Variants in BTBD16 observed in about 807,000 individuals in gnomAD.
BTBD16 encodes BTB domain containing 16.
BTBD16 carries 66 observed loss-of-function variants against 67.4 expected under a neutral mutation model. The observed-to-expected ratio is 0.98, with a 90% CI of 0.80 to 1.20. The LOEUF is 1.20. BTBD16 is among the 50% of genes most tolerant of loss of function. BTBD16 has a pLI of 0.00. For missense variants in BTBD16, 634 were observed against 616.0 expected (o/e 1.03, Z -0.31); for synonymous variants, 242 against 236.4 (o/e 1.02, Z -0.22).
chr10:122,275,386 T>C (rs1438026316), intron 2 of BTBD16, among the ~76,000 whole-genome samples: 1 of 152,208 alleles, frequency 6.6e-6, no homozygotes, highest in African/African-American at 2.4e-5. Context: ...CTAGGCACTA[T>C]ACTAAGGCAT....
intron 5 of BTBD16, chr10:122,287,578 G>GAACTT: frequency 1.5e-6 from 1 of 655,666 alleles, no homozygotes; most frequent in Non-Finnish European, 1.9e-6. Flanking sequence ...TCAAGCCATG[G>GAACTT]GATTCACGTC....
chr10:122,308,954 G>T (rs1424818086), intron 10 of BTBD16, among the ~76,000 whole-genome samples: 1 of 152,136 alleles, frequency 6.6e-6, no homozygotes, highest in East Asian at 1.9e-4. Flanking sequence ...GTCCATCCGT[G>T]ATGGGGGCCA....
chr10:122,337,448 T>G (rs181703745), intron 15 of BTBD16, among the ~76,000 whole-genome samples: 47 of 151,374 alleles, frequency 3.1e-4, no homozygotes, highest in African/African-American at 8.5e-4. Flanking sequence ...GAAATATTTG[T>G]TTTTTTTTGT....
At chr10:122,337,831 T>A (rs1455551639) in intron 15 of BTBD16, among the ~76,000 whole-genome samples, 186 bp from the exon 16 acceptor site, 4 of 152,216 alleles carry the variant, frequency 2.6e-5, no homozygotes, top group Non-Finnish European at 5.9e-5. Context: ...TGCACGTTAT[T>A]GTGTTTAAGT....
At chr10:122,278,791 G>C (rs1201622046) in intron 3 of BTBD16, among the ~76,000 whole-genome samples, 2 of 152,206 alleles carry the variant, frequency 1.3e-5, no homozygotes, top group East Asian at 3.9e-4. Context: ...CAGGTGTTCT[G>C]GGTATGTCTA....
intron 3 of BTBD16, among the ~76,000 whole-genome samples, chr10:122,280,465 T>A (rs2096350474): frequency 6.6e-6 from 1 of 152,058 alleles, no homozygotes; most frequent in Non-Finnish European, 1.5e-5. Context: ...GCCTAGTGGT[T>A]TTCTCCCTTT....
chr10:122,312,848 T>C (rs1193277724), intron 10 of BTBD16, among the ~76,000 whole-genome samples: 2 of 152,172 alleles, frequency 1.3e-5, no homozygotes, highest in Non-Finnish European at 2.9e-5. Flanking sequence ...ATACCTTCCC[T>C]CTGTGGCTGG....
chr10:122,321,223 T>C (rs2096434905), intron 10 of BTBD16, among the ~76,000 whole-genome samples: 1 of 152,224 alleles, frequency 6.6e-6, no homozygotes, highest in African/African-American at 2.4e-5. Context: ...CCATGGTATA[T>C]ATGCACTACA....
At chr10:122,294,046 C>T (rs1012160263) in intron 7 of BTBD16, 7 of 833,104 alleles carry the variant, frequency 8.4e-6, no homozygotes, top group Non-Finnish European at 1.0e-5. Context: ...TTTCATTCCA[C>T]TGATGAGCAA....
At chr10:122,336,993 A>C (rs929912860) in intron 15 of BTBD16, among the ~76,000 whole-genome samples, 4 of 152,112 alleles carry the variant, frequency 2.6e-5, no homozygotes, top group Non-Finnish European at 4.4e-5. Context: ...TGTATTTGTC[A>C]TCACTACCTC....
At chr10:122,335,913 G>A (rs1197624155) in intron 14 of BTBD16, among the ~76,000 whole-genome samples, 1 of 151,992 alleles carries the variant, frequency 6.6e-6, no homozygotes, top group Non-Finnish European at 1.5e-5. Flanking sequence ...CTGTTGCCCA[G>A]GCTGCAGTGC....
intron 10 of BTBD16, among the ~76,000 whole-genome samples, chr10:122,325,131 C>A (rs562881045): frequency 3.8e-4 from 58 of 152,266 alleles, no homozygotes; most frequent in African/African-American, 1.3e-3. Context: ...AGCATGTGCA[C>A]CAGGGCTGGC....
rs753348319 is a variant in BTBD16 at position 122,289,943 on chromosome 10, T to A, written c.420T>A (p.Pro140=). 2 of 1,613,866 alleles carry A rather than the reference T, an allele frequency of 1.2e-6. No individual in the cohort carries two copies. The highest frequency in any genetic ancestry group is 3.3e-5 in the Admixed American group (2 of 59,986). The change falls in exon 6 of 16, where the codon CCT becomes CCA. Residue 140 remains proline (P), a synonymous_variant. Transcript: ENST00000260723. ...CTAAGAAGACCAAAGAAAAATCCCCTGCAAAGAGGATCATCATTTCCTTGA... is the reference window on the plus strand; with the variant it reads ...CTAAGAAGACCAAAGAAAAATCCCCAGCAAAGAGGATCATCATTTCCTTGA... The part of the protein sequence containing the change: ...QSPKKTKEKS[P]AKRIIISLKI...
chr10:122,286,342 T>C (rs1472817588), intron 5 of BTBD16, 94 bp downstream of exon 5: 8 of 1,487,654 alleles, frequency 5.4e-6, no homozygotes, highest in Non-Finnish European at 6.3e-6. Flanking sequence ...GAGACCACGG[T>C]CACTCTAGCA....
intron 10 of BTBD16, among the ~76,000 whole-genome samples, chr10:122,327,048 T>C (rs2096446304): frequency 6.6e-6 from 1 of 152,106 alleles, no homozygotes; most frequent in Admixed American, 6.5e-5. Flanking sequence ...CCCAGACAGT[T>C]AAGTGGCGCC....
chr10:122,337,229 C>A (rs182479977), intron 15 of BTBD16, among the ~76,000 whole-genome samples: 3 of 152,176 alleles, frequency 2.0e-5, no homozygotes, highest in Admixed American at 6.5e-5. Context: ...CACCTGGGGG[C>A]CTTATAACTA....
chr10:122,281,947 C>T (rs2096354101), intron 3 of BTBD16, among the ~76,000 whole-genome samples: 1 of 152,192 alleles, frequency 6.6e-6, no homozygotes, highest in East Asian at 1.9e-4. Flanking sequence ...TGCAATGGGA[C>T]CACTGAGTCC....
Position 122,331,156 on chromosome 10 carries a change from CT to C in BTBD16, c.1004-19del, listed in dbSNP as rs764910313. ...GGTGTGAATAAAACTAAAAAACATTCTCTTTGCGTTTCTTCCCAGGCAAGGA... is the reference window on the plus strand; with the variant it reads ...GGTGTGAATAAAACTAAAAAACATTCCTTTGCGTTTCTTCCCAGGCAAGGA... On this transcript the variant is annotated intron_variant, in intron 11 of 15. Transcript: ENST00000260723. 5.6e-6 allele frequency: 9 copies of C among 1,605,064 alleles called. 1 individual carries two copies. In the South Asian group the frequency reaches 1.0e-4, roughly 18 times the overall value.
At chr10:122,313,714 T>G (rs1205863505) in intron 10 of BTBD16, among the ~76,000 whole-genome samples, 2 of 152,204 alleles carry the variant, frequency 1.3e-5, no homozygotes, top group Non-Finnish European at 2.9e-5. Context: ...GGAGGGACCA[T>G]GGTCACGGTC....
Sources: allele counts gnomAD v4.1 joint callset (sites outside exome capture counted in the v4.1 genomes callset), GRCh38; gene constraint gnomAD v4.1.1; transcripts MANE v1.5; gene names NCBI Gene and HGNC (gene_info 2026-07-23, HGNC 2026-07-21).